The following TENM1 variants were observed in gnomAD, a reference collection of about 807,000 sequenced individuals.
The protein encoded by TENM1 is teneurin-1.
TENM1 carries 35 observed loss-of-function variants against 174.8 expected under a neutral mutation model. The ratio of observed to expected loss-of-function variants is 0.20; its 90% CI spans 0.15 to 0.27. The LOEUF (loss-of-function observed/expected upper bound fraction) is 0.27, where lower values mean the gene tolerates loss of function less well. TENM1 is among the 10% of genes least tolerant of loss of function. TENM1 has a pLI of 1.00. For synonymous variants in TENM1, 781 were observed against 798.7 expected (o/e 0.98, Z 0.37); for missense variants, 1,633 against 2,130.1 (o/e 0.77, Z 4.59).
the TENM1 span, among the ~76,000 whole-genome samples, chrX:125,169,943 A>T: frequency 9.0e-6 from 1 of 111,413 alleles, no homozygotes; most frequent in Non-Finnish European, 1.9e-5. Flanking sequence ...ATCAAACTTC[A>T]AATAGCTTAA....
intron 3 of TENM1, among the ~76,000 whole-genome samples, chrX:124,756,701 T>G (rs1471424086): frequency 9.0e-6 from 1 of 111,599 alleles, no homozygotes; most frequent in East Asian, 2.8e-4. Flanking sequence ...TTAGTTTTCC[T>G]TCTAACAGAC....
chrX:124,741,756 A>G (rs1443469163), intron 3 of TENM1, among the ~76,000 whole-genome samples: 3 of 112,072 alleles, frequency 2.7e-5, no homozygotes, highest in Non-Finnish European at 5.6e-5. Flanking sequence ...TCCTATCCAC[A>G]TGTGGTGAGC....
chrX:125,178,812 G>A, the TENM1 span, among the ~76,000 whole-genome samples: 3 of 110,771 alleles, frequency 2.7e-5, no homozygotes, highest in East Asian at 2.8e-4. Flanking sequence ...AAATATGCAC[G>A]ATAGCTCAAT....
rs750389810 is a variant in TENM1, at chrX:124,753,686, T to A, written c.536-16489A>T. On this transcript the variant is annotated intron_variant, in intron 3 of 31. Coordinates refer to ENST00000422452, the Ensembl canonical transcript of TENM1. The stretch of plus-strand genomic sequence containing the variant: ...CCATTAATACCTAATTTATTGAGAA[T>A]TTTTAGCATGAAGGGTTGTTGAATT... 3.5e-4 allele frequency among the ~76,000 whole-genome samples: 39 copies of A among 111,691 alleles called. 1 individual carries two copies. The South Asian group carries it at 0.014, about 41-fold the overall frequency.
At chrX:125,022,420 A>C in the TENM1 span, among the ~76,000 whole-genome samples, 1 of 111,939 alleles carries the variant, frequency 8.9e-6, no homozygotes, top group African/African-American at 3.2e-5. Context: ...GTTTGAAAAC[A>C]ATATAAAAAC....
At chrX:124,671,429 C>T (rs1255694045) in intron 6 of TENM1, among the ~76,000 whole-genome samples, 1 of 111,460 alleles carries the variant, frequency 9.0e-6, no homozygotes, top group East Asian at 2.8e-4. Flanking sequence ...GTATTGAAGC[C>T]TCCATTCTGT....
At chrX:124,825,883 A>G (rs1199147694) in intron 3 of TENM1, among the ~76,000 whole-genome samples, 1 of 112,069 alleles carries the variant, frequency 8.9e-6, no homozygotes, top group African/African-American at 3.2e-5. Context: ...TCACCAAATT[A>G]ACACAGTTAA....
At chrX:124,787,562 C>A (rs2055069966) in intron 3 of TENM1, among the ~76,000 whole-genome samples, 1 of 111,769 alleles carries the variant, frequency 8.9e-6, no homozygotes, top group Admixed American at 9.5e-5. Flanking sequence ...CACAAATTCT[C>A]AACAGGTTAT....
At chrX:124,743,434 C>T (rs1444285731) in intron 3 of TENM1, among the ~76,000 whole-genome samples, 2 of 111,742 alleles carry the variant, frequency 1.8e-5, no homozygotes, top group African/African-American at 3.2e-5. Flanking sequence ...GCATGAGTGA[C>T]GCACAGACAA....
chrX:124,550,030 T>C (rs2048524575), intron 14 of TENM1, among the ~76,000 whole-genome samples: 1 of 110,949 alleles, frequency 9.0e-6, no homozygotes. Flanking sequence ...TAGGGCCTGT[T>C]CTCTTCAAAG....
At chrX:124,866,075 C>A (rs1298467433) in intron 3 of TENM1, among the ~76,000 whole-genome samples, 2 of 111,707 alleles carry the variant, frequency 1.8e-5, no homozygotes, top group African/African-American at 6.5e-5. Context: ...GACTTCAACA[C>A]CCCACTTTCA....
intron 1 of TENM1, among the ~76,000 whole-genome samples, chrX:124,899,869 C>A (rs753836262): frequency 1.8e-5 from 2 of 112,127 alleles, no homozygotes; most frequent in South Asian, 7.4e-4. Context: ...TACATACCCA[C>A]TACTATGGCT....
chrX:124,620,778 T>C (rs752806663), intron 11 of TENM1, among the ~76,000 whole-genome samples: 1 of 112,299 alleles, frequency 8.9e-6, no homozygotes, highest in African/African-American at 3.2e-5. Context: ...ATATTCTTGT[T>C]GTCTTACATA....
chrX:125,047,864 A>G, the TENM1 span, among the ~76,000 whole-genome samples: 1 of 110,973 alleles, frequency 9.0e-6, no homozygotes, highest in Admixed American at 9.7e-5. Context: ...AACCCAGGGG[A>G]CACTAGTTAC....
intron 3 of TENM1, among the ~76,000 whole-genome samples, chrX:124,814,802 A>T (rs986770368): frequency 1.8e-4 from 20 of 111,875 alleles, no homozygotes; most frequent in African/African-American, 6.2e-4. Flanking sequence ...ATTGGCCAGG[A>T]ATAATTCCAG....
At chrX:124,745,916 TTCTG>T (rs1176195371) in intron 3 of TENM1, among the ~76,000 whole-genome samples, 1 of 111,487 alleles carries the variant, frequency 9.0e-6, no homozygotes, top group Non-Finnish European at 1.9e-5. Flanking sequence ...CCACCAATCT[TTCTG>T]TCTGACATCT....
the TENM1 span, among the ~76,000 whole-genome samples, chrX:125,202,423 C>T: frequency 2.7e-5 from 3 of 112,203 alleles, no homozygotes; most frequent in African/African-American, 9.7e-5. Context: ...AATTTCCTTT[C>T]TGTAGCACTG....
the TENM1 span, among the ~76,000 whole-genome samples, chrX:125,075,624 C>T: frequency 9.0e-6 from 1 of 111,334 alleles, no homozygotes; most frequent in African/African-American, 3.3e-5. Context: ...TCCCTATCCC[C>T]AAAAGAAGCC....
At chrX:124,871,685 G>A (rs2057110816) in intron 3 of TENM1, among the ~76,000 whole-genome samples, 1 of 111,847 alleles carries the variant, frequency 8.9e-6, no homozygotes, top group Admixed American at 9.5e-5. Flanking sequence ...AGGACTATAA[G>A]AGGTCACTGA....
Sources: allele counts gnomAD v4.1 joint callset (sites outside exome capture counted in the v4.1 genomes callset), GRCh38; gene constraint gnomAD v4.1.1; transcripts MANE v1.5; gene names NCBI Gene and HGNC (gene_info 2026-07-23, HGNC 2026-07-21).